DAAM2: variants seen among roughly 807,000 people sequenced by gnomAD.
DAAM2 encodes disheveled-associated activator of morphogenesis 2.
DAAM2 carries 39 observed loss-of-function variants against 120.7 expected under a neutral mutation model. The observed-to-expected ratio is 0.32, with a 90% CI of 0.25 to 0.42. The LOEUF (loss-of-function observed/expected upper bound fraction) is 0.42, where lower values mean the gene tolerates loss of function less well. Among genes scored for constraint, DAAM2 ranks in the 10% least tolerant of loss-of-function variants. The pLI is 1.00. For synonymous variants in DAAM2, 488 were observed against 524.9 expected (o/e 0.93, Z 0.96); for missense variants, 1,283 against 1,401.7 (o/e 0.92, Z 1.35).
intron 16 of DAAM2, 103 bp downstream of exon 16, chr6:39,887,695 G>A (rs753383842): frequency 4.0e-6 from 3 of 749,830 alleles, no homozygotes; most frequent in Non-Finnish European, 6.7e-6. Flanking sequence ...GCTGTCCCCT[G>A]GGAGGGGCAG....
rs1338159414 is a variant in DAAM2 at position 39,865,034 on chromosome 6, G to A, written c.388G>A (p.Val130Met). The A allele has an allele frequency of 1.9e-6, 3 of 1,606,632 alleles. No homozygotes were observed. Among genetic ancestry groups the A allele is most frequent in the Non-Finnish European group, 1.7e-6 (2 of 1,176,516 alleles). ...GGAGACGGAGATGAGGAACCAAGTC[G>A]TGGAAGACCTGAAGACAGCCCTCCG... ...EEETEMRNQV[V>M]EDLKTALRTQ... is the part of the protein sequence containing the mutation. Residue 130 changes from valine to methionine, a missense_variant, in exon 5 of 25, where the codon GTG becomes ATG. Physicochemically the swap from Val to Met is conservative, Grantham distance 21. Transcript: ENST00000274867.
chr6:39,882,837 G>A (rs534974353), intron 14 of DAAM2, among the ~76,000 whole-genome samples: 3 of 152,078 alleles, frequency 2.0e-5, no homozygotes, highest in Admixed American at 6.6e-5. Flanking sequence ...CTTCCCAGCC[G>A]GCATTCCACA....
At chr6:39,867,198 C>G in intron 5 of DAAM2, 1 of 326,596 alleles carries the variant, frequency 3.1e-6, no homozygotes, top group Non-Finnish European at 5.8e-6. Context: ...TCCATCCTCA[C>G]TGGAGAGGAG....
At chr6:39,805,222 G>A (rs760968660) in intron 1 of DAAM2, among the ~76,000 whole-genome samples, 2 of 152,136 alleles carry the variant, frequency 1.3e-5, no homozygotes, top group Admixed American at 6.5e-5. Flanking sequence ...TGCAGATTCC[G>A]GGAGTCAAAC....
intron 1 of DAAM2, among the ~76,000 whole-genome samples, chr6:39,794,743 A>C (rs747563362): frequency 2.6e-5 from 4 of 152,238 alleles, no homozygotes; most frequent in African/African-American, 4.8e-5. Context: ...TAAAGAATGA[A>C]GATAAAGGGT....
At chr6:39,824,202 G>A (rs1008687207) in intron 1 of DAAM2, among the ~76,000 whole-genome samples, 2 of 152,008 alleles carry the variant, frequency 1.3e-5, no homozygotes, top group Non-Finnish European at 2.9e-5. Flanking sequence ...AGCCTCCCCC[G>A]CCCCCAGTTC....
intron 1 of DAAM2, chr6:39,821,900 C>A (rs1762501640): frequency 6.6e-6 from 1 of 152,302 alleles, no homozygotes; most frequent in Non-Finnish European, 1.5e-5. Flanking sequence ...GGACCAATTC[C>A]TCTTCTTCCT....
intron 1 of DAAM2, among the ~76,000 whole-genome samples, chr6:39,849,144 T>C (rs1043910485): frequency 1.3e-4 from 20 of 152,214 alleles, no homozygotes; most frequent in Admixed American, 4.6e-4. Flanking sequence ...GAGTTGGCAG[T>C]CTTTCTATAA....
At chr6:39,853,837 G>A (rs763273553) in intron 1 of DAAM2, among the ~76,000 whole-genome samples, 17 of 152,312 alleles carry the variant, frequency 1.1e-4, no homozygotes, top group Admixed American at 2.6e-4. Flanking sequence ...CTGCAGCTGC[G>A]TTCTGGAGGC....
intron 1 of DAAM2, chr6:39,820,404 G>C (rs1363458930): frequency 6.6e-6 from 1 of 152,094 alleles, no homozygotes; most frequent in Non-Finnish European, 1.5e-5. Context: ...TCTATAATAG[G>C]CAAAACTTAA....
intron 22 of DAAM2, 122 bp from the exon 23 acceptor site, chr6:39,899,955 C>A: frequency 1.8e-6 from 2 of 1,089,452 alleles, no homozygotes; most frequent in Non-Finnish European, 2.5e-6. Context: ...CTTTGAGATG[C>A]AGGGTGTTCC....
At chr6:39,836,150 A>G (rs920046023) in intron 1 of DAAM2, among the ~76,000 whole-genome samples, 1 of 151,460 alleles carries the variant, frequency 6.6e-6, no homozygotes, top group African/African-American at 2.4e-5. Flanking sequence ...TTCACAGCAG[A>G]CCTCCCCCCT....
chr6:39,863,673 G>A (rs913643159), intron 3 of DAAM2, among the ~76,000 whole-genome samples: 1 of 152,136 alleles, frequency 6.6e-6, no homozygotes, highest in Non-Finnish European at 1.5e-5. Flanking sequence ...GAGAAGGCTG[G>A]ATTTTCAGTC....
intron 19 of DAAM2, among the ~76,000 whole-genome samples, chr6:39,895,262 G>C (rs1408977320): frequency 1.2e-5 from 1 of 84,636 alleles, no homozygotes; most frequent in African/African-American, 4.4e-5. Flanking sequence ...TTGAGACGGA[G>C]CCTCACTCTG....
At chr6:39,808,399 A>G (rs1762069975) in intron 1 of DAAM2, among the ~76,000 whole-genome samples, 1 of 152,180 alleles carries the variant, frequency 6.6e-6, no homozygotes, top group Admixed American at 6.5e-5. Context: ...CTACAGGGTG[A>G]AAGAATTTTC....
At chr6:39,877,522 CTA>C (rs1327889991) in intron 11 of DAAM2, among the ~76,000 whole-genome samples, 1 of 152,236 alleles carries the variant, frequency 6.6e-6, no homozygotes, top group Non-Finnish European at 1.5e-5. Flanking sequence ...ACTCTGTTCT[CTA>C]TGTCCTTGAT....
chr6:39,851,759 G>A (rs1457917060), intron 1 of DAAM2, among the ~76,000 whole-genome samples: 1 of 152,184 alleles, frequency 6.6e-6, no homozygotes, highest in Non-Finnish European at 1.5e-5. Context: ...GAATAGGATC[G>A]CGCAGGCAGT....
chr6:39,824,398 C>T (rs1762594893), intron 1 of DAAM2, among the ~76,000 whole-genome samples: 1 of 152,194 alleles, frequency 6.6e-6, no homozygotes, highest in African/African-American at 2.4e-5. Context: ...CCATCTCTGG[C>T]CCTGTAACCT....
Position 39,878,620 on chromosome 6 carries a change from A to G in DAAM2, c.1545+32A>G, listed in dbSNP as rs1227361253. 2.1e-5 allele frequency: 33 copies of G among 1,573,758 alleles called. No individual in the cohort carries two copies. The highest frequency in any genetic ancestry group is 2.8e-5 in the Non-Finnish European group (33 of 1,160,046). On this transcript the variant is annotated intron_variant, in intron 13 of 24. Transcript: ENST00000274867. The surrounding 1 kb of genome is among the most constrained non-coding windows in gnomAD (Gnocchi z 5.0). ...AAGCATCTCCCCCTTTACATAGTTG[A>G]GCCAAGACCCTGGGCTTCAGGACTG...
Sources: allele counts gnomAD v4.1 joint callset (sites outside exome capture counted in the v4.1 genomes callset), GRCh38; gene constraint gnomAD v4.1.1; non-coding constraint Gnocchi (gnomAD v3.1); transcripts MANE v1.5; gene names NCBI Gene and HGNC (gene_info 2026-07-23, HGNC 2026-07-21).